Variants in ROCK2 observed in about 807,000 individuals in gnomAD.
ROCK2 encodes rho-associated protein kinase 2.
In ROCK2, 61 loss-of-function variants were observed where a neutral mutation model predicts 195.1. The ratio of observed to expected loss-of-function variants is 0.31; its 90% CI spans 0.25 to 0.39. The LOEUF (loss-of-function observed/expected upper bound fraction) is 0.39, where lower values mean the gene tolerates loss of function less well. ROCK2 is among the 10% of genes least tolerant of loss of function. The pLI, the probability that ROCK2 is intolerant of heterozygous loss-of-function variation, is 1.00. For synonymous variants in ROCK2, 504 were observed against 545.5 expected (o/e 0.92, Z 1.06); for missense variants, 1,109 against 1,637.4 (o/e 0.68, Z 5.57).
At chr2:11,231,434 C>T (rs1210761848) in intron 5 of ROCK2, among the ~76,000 whole-genome samples, 2 of 152,164 alleles carry the variant, frequency 1.3e-5, no homozygotes, top group African/African-American at 4.8e-5. Context: ...TCTCGAACTC[C>T]TGACCTCAGA....
intron 1 of ROCK2, among the ~76,000 whole-genome samples, chr2:11,307,451 C>T (rs1425107625): frequency 6.6e-6 from 1 of 152,070 alleles, no homozygotes; most frequent in Non-Finnish European, 1.5e-5. Flanking sequence ...GTAGCTGGGA[C>T]TACAGGCGCA....
chr2:11,270,843 C>T (rs1666601478), intron 3 of ROCK2, among the ~76,000 whole-genome samples: 1 of 152,134 alleles, frequency 6.6e-6, no homozygotes, highest in Non-Finnish European at 1.5e-5. Flanking sequence ...GCTTCTAATG[C>T]TTACTGTCTC....
chr2:11,202,663 A>G (rs1005884995), intron 20 of ROCK2, among the ~76,000 whole-genome samples: 3 of 151,684 alleles, frequency 2.0e-5, no homozygotes, highest in African/African-American at 4.8e-5. Flanking sequence ...ACACCTGGCT[A>G]ATTTTTGTAT....
At chr2:11,317,739 A>G (rs180851027) in intron 1 of ROCK2, among the ~76,000 whole-genome samples, 5 of 149,900 alleles carry the variant, frequency 3.3e-5, no homozygotes, top group Non-Finnish European at 5.9e-5. Flanking sequence ...TACATTAGGT[A>G]TATCTCCTAA....
Position 11,235,984 on chromosome 2 carries a change from A to C in ROCK2, c.463-22T>G. On this transcript the variant is annotated intron_variant, in intron 4 of 32. Coordinates refer to ENST00000315872, the MANE Select transcript of ROCK2 (RefSeq NM_004850.5). The surrounding 1 kb of genome is among the most constrained non-coding windows in gnomAD (Gnocchi z 4.2). ...AAAGCTGGAAAACAAAAGGAAAAGG[A>C]AAAATTTTTAAAAACCCAAACCAAA... is the stretch of plus-strand genomic sequence containing the variant. The C allele has an allele frequency of 2.1e-6, 3 of 1,439,534 alleles. No homozygotes were observed. The highest frequency in any genetic ancestry group is 2.7e-6 in the Non-Finnish European group (3 of 1,093,478). The allele number at this position is 1,439,534 out of a possible 1,614,324, so 89.2% of individuals were successfully genotyped here. A position where few individuals can be genotyped will look rare whatever the true frequency, so the allele number is the denominator to read the frequency against.
At chr2:11,223,589 T>A (rs1312094386) in intron 7 of ROCK2, among the ~76,000 whole-genome samples, 1 of 152,196 alleles carries the variant, frequency 6.6e-6, no homozygotes, top group Non-Finnish European at 1.5e-5. Context: ...GTTTTATGGA[T>A]GAGTAAAATT....
chr2:11,207,663 C>G, intron 20 of ROCK2, 63 bp downstream of exon 20: 1 of 1,286,056 alleles, frequency 7.8e-7, no homozygotes, highest in Non-Finnish European at 1.1e-6. Context: ...TCCACAGATA[C>G]ACCAAAATTA....
intron 1 of ROCK2, chr2:11,308,308 A>T (rs1374892463): frequency 1.5e-5 from 17 of 1,108,448 alleles, no homozygotes; most frequent in Non-Finnish European, 2.4e-5. Flanking sequence ...AGCTAGAACC[A>T]ATCCTAAAGA....
intron 2 of ROCK2, 94 bp from the exon 3 acceptor site, chr2:11,286,733 ACAGTTTTTAGCTAAACTTGC>A (rs1356411420): frequency 1.3e-6 from 1 of 787,922 alleles, no homozygotes; most frequent in Non-Finnish European, 1.9e-6. Flanking sequence ...TCAAGAAAAG[ACAGTTTTTAGCTAAACTTGC>A]CAGTTTTTAA....
Position 11,308,431 on chromosome 2 carries a change from G to C in ROCK2, c.142-20695C>G, listed in dbSNP as rs867189367. 4.4e-6 allele frequency: 7 copies of C among 1,606,558 alleles called. No homozygotes were observed. In the Middle Eastern group the frequency reaches 9.0e-4, roughly 208 times the overall value. ...TGGAATCTGAAGAAGATGAAGAAGA[G>C]GGTGGTGCTGGAGCAGGGTCTCCTG... On this transcript the variant is annotated intron_variant, in intron 1 of 32. Coordinates refer to ENST00000315872, the MANE Select transcript of ROCK2 (RefSeq NM_004850.5).
chr2:11,217,423 G>A, intron 11 of ROCK2: 1 of 525,560 alleles, frequency 1.9e-6, no homozygotes, highest in South Asian at 1.7e-5. Flanking sequence ...CTCTAACTTT[G>A]GCAGAATTGT....
chr2:11,275,488 A>C (rs1666792420), intron 3 of ROCK2, among the ~76,000 whole-genome samples: 1 of 152,130 alleles, frequency 6.6e-6, no homozygotes, highest in Non-Finnish European at 1.5e-5. Context: ...TAACAGAAAG[A>C]TTCTCAACAA....
intron 5 of ROCK2, chr2:11,234,643 T>C (rs899536075): frequency 1.3e-5 from 2 of 152,026 alleles, no homozygotes; most frequent in Non-Finnish European, 2.9e-5. Flanking sequence ...TCTAGCTGGA[T>C]AGATTAAGAT....
At chr2:11,198,185 G>A (rs1468437553) in intron 25 of ROCK2, among the ~76,000 whole-genome samples, 1 of 152,074 alleles carries the variant, frequency 6.6e-6, no homozygotes, top group Non-Finnish European at 1.5e-5. Flanking sequence ...ACACTTTTCA[G>A]GTTGTCAGCA....
rs142613057 is a variant in ROCK2 at position 11,186,948 on chromosome 2, T to C, written c.4164-3508A>G. On this transcript the variant is annotated intron_variant, in intron 32 of 32. Coordinates refer to ENST00000315872, the MANE Select transcript of ROCK2 (RefSeq NM_004850.5). The stretch of plus-strand genomic sequence containing the variant: ...CCTATATTATAAACAGCATTTTACA[T>C]AGTACTGTAATTGCCTGTTGCTTGA... Among the ~76,000 whole-genome samples the C allele has an allele frequency of 1.8e-4, 27 of 152,262 alleles. No homozygotes were observed. The East Asian group carries it at 4.8e-3, about 27-fold the overall frequency.
At chr2:11,270,514 G>C (rs1666589023) in intron 3 of ROCK2, among the ~76,000 whole-genome samples, 1 of 151,918 alleles carries the variant, frequency 6.6e-6, no homozygotes. Flanking sequence ...TGGTTCCATG[G>C]TTCTGTGATA....
intron 15 of ROCK2, 51 bp downstream of exon 15, chr2:11,215,270 T>G: frequency 6.9e-7 from 1 of 1,451,564 alleles, no homozygotes; most frequent in South Asian, 1.3e-5. Flanking sequence ...ACTAATGTTA[T>G]CGCGTTAAAA....
chr2:11,238,624 G>A (rs1369745918), intron 4 of ROCK2, among the ~76,000 whole-genome samples: 5 of 152,280 alleles, frequency 3.3e-5, no homozygotes, highest in African/African-American at 1.2e-4. Context: ...TAAGTGGGAG[G>A]ATGACTTGAG....
intron 1 of ROCK2, among the ~76,000 whole-genome samples, chr2:11,311,289 A>G (rs73915161): frequency 0.011 from 1,644 of 152,290 alleles, 25 homozygotes; most frequent in African/African-American, 0.037. Context: ...CCCCCAAAGC[A>G]GTAAAGATTT....
Sources: allele counts gnomAD v4.1 joint callset (sites outside exome capture counted in the v4.1 genomes callset), GRCh38; gene constraint gnomAD v4.1.1; non-coding constraint Gnocchi (gnomAD v3.1); transcripts MANE v1.5; gene names NCBI Gene and HGNC (gene_info 2026-07-23, HGNC 2026-07-21).